RP1: variants seen among roughly 807,000 people sequenced by gnomAD.
RP1 encodes the protein RP1 axonemal microtubule associated.
In RP1, 16 loss-of-function variants were observed where a neutral mutation model predicts 14.8. The observed-to-expected ratio is 1.08, with a 90% confidence interval of 0.73 to 1.65. RP1 has a LOEUF of 1.65. Among genes scored for constraint, RP1 ranks in the 40% most tolerant of loss-of-function variants. The probability of loss-of-function intolerance (pLI) is 0.00; values close to 1 mark genes in which losing one functional copy is unlikely to be tolerated. For missense variants in RP1, 2,631 were observed against 2,535.0 expected (o/e 1.04, Z -0.81); for synonymous variants, 876 against 883.6 (o/e 0.99, Z 0.15).
chr8:54,627,047 A>G lies in RP1; in HGVS notation c.3165A>G (p.Glu1055=), dbSNP rs935024214. ...SGPEKKLVYQ[E]INLARKRQSV... ...CAGAGAAAAAACTTGTTTACCAGGA[A>G]ATAAACCTAGCTAGAAAAAGGCAAA... Residue 1055 remains glutamate, a synonymous_variant, in exon 4 of 4, where the codon GAA becomes GAG. Coordinates refer to ENST00000220676, the MANE Select transcript of RP1 (RefSeq NM_006269.2). The G allele has an allele frequency of 6.2e-7, 1 of 1,613,950 alleles. No individual in the cohort carries two copies. The highest frequency in any genetic ancestry group is 8.5e-7 in the Non-Finnish European group (1 of 1,179,976).
intron 1 of RP1, chr8:54,562,045 C>G (rs749844005): frequency 6.6e-6 from 1 of 152,132 alleles, no homozygotes; most frequent in Non-Finnish European, 1.5e-5. Flanking sequence ...AATTGACTGT[C>G]AAATGAATGG....
intron 1 of RP1, among the ~76,000 whole-genome samples, chr8:54,592,328 G>A (rs980177204): frequency 6.6e-6 from 1 of 152,132 alleles, no homozygotes; most frequent in Non-Finnish European, 1.5e-5. Context: ...TTTCTGGTTA[G>A]GGTGACAGCA....
At chr8:54,700,984 C>T (rs1299168062) in intron 13 of RP1, among the ~76,000 whole-genome samples, 1 of 152,214 alleles carries the variant, frequency 6.6e-6, no homozygotes, top group Non-Finnish European at 1.5e-5. Context: ...TTTTCCTCTT[C>T]ACACCCTACT....
intron 1 of RP1, among the ~76,000 whole-genome samples, chr8:54,580,802 A>G (rs1190663949): frequency 1.3e-5 from 2 of 151,788 alleles, no homozygotes; most frequent in African/African-American, 4.8e-5. Flanking sequence ...TATTTTTAGT[A>G]GAGACGGGGT....
chr8:54,676,568 A>C (rs982251700), intron 8 of RP1, among the ~76,000 whole-genome samples: 1 of 152,202 alleles, frequency 6.6e-6, no homozygotes, highest in African/African-American at 2.4e-5. Context: ...ACCAACATAC[A>C]TATGTAAACA....
At chr8:54,820,715 A>G (rs1436833100) in intron 24 of RP1, among the ~76,000 whole-genome samples, 2 of 152,112 alleles carry the variant, frequency 1.3e-5, no homozygotes, top group Non-Finnish European at 2.9e-5. Context: ...TTTCCCTGAT[A>G]TGATCTTAAA....
chr8:54,584,675 C>A (rs995768116), intron 1 of RP1, among the ~76,000 whole-genome samples: 1 of 152,164 alleles, frequency 6.6e-6, no homozygotes, highest in Non-Finnish European at 1.5e-5. Flanking sequence ...CTTTATGAAT[C>A]TGGGTGCTCC....
At chr8:54,673,980 A>G (rs764510061) in intron 8 of RP1, 10 of 1,360,606 alleles carry the variant, frequency 7.3e-6, no homozygotes, top group Non-Finnish European at 1.0e-5. Context: ...TTCTGTTTAT[A>G]TGAAACTCTG....
chr8:54,563,631 G>A (rs112985124), intron 1 of RP1, among the ~76,000 whole-genome samples: 3,851 of 152,070 alleles, frequency 0.025, 162 homozygotes, highest in African/African-American at 0.086. Flanking sequence ...CTACAGCCTT[G>A]AATTCCTCGG....
chr8:54,747,284 C>T (rs1352192431), intron 19 of RP1, among the ~76,000 whole-genome samples: 1 of 152,190 alleles, frequency 6.6e-6, no homozygotes, highest in East Asian at 1.9e-4. Flanking sequence ...TCTTTCTCGT[C>T]CCCTTCTCAT....
intron 12 of RP1, among the ~76,000 whole-genome samples, chr8:54,684,742 T>TTTTTAAG (rs1807517937): frequency 6.6e-6 from 1 of 152,132 alleles, no homozygotes; most frequent in Non-Finnish European, 1.5e-5. Flanking sequence ...ACTTTTTTAT[T>TTTTTAAG]TTTTAAGTTT....
chr8:54,738,860 A>G (rs1334361795), intron 18 of RP1: 1 of 777,110 alleles, frequency 1.3e-6, no homozygotes, highest in Non-Finnish European at 1.9e-6. Context: ...CAAAAAATGC[A>G]GTTAGTGTAA....
At chr8:54,754,684 C>T in intron 19 of RP1, 2 of 1,024,668 alleles carry the variant, frequency 2.0e-6, no homozygotes, top group Non-Finnish European at 2.6e-6. Context: ...ACCATCACCG[C>T]TATCACCATC....
chr8:54,786,362 A>G (rs1810317262), intron 24 of RP1, among the ~76,000 whole-genome samples: 1 of 152,068 alleles, frequency 6.6e-6, no homozygotes, highest in South Asian at 2.1e-4. Context: ...TGTACATATG[A>G]TAAGTTGTTT....
intron 14 of RP1, among the ~76,000 whole-genome samples, chr8:54,702,049 T>A (rs1808034561): frequency 6.6e-6 from 1 of 152,178 alleles, no homozygotes; most frequent in Admixed American, 6.6e-5. Context: ...TTCTTTTTTC[T>A]TTATGTGTTT....
At position 54,627,832 on chromosome 8, in the gene RP1, A is replaced by G. The variant is rs768237139; in HGVS notation, c.3950A>G (p.Gln1317Arg). Residue 1317 changes from glutamine to arginine, a missense_variant, in exon 4 of 4, where the codon CAA (glutamine) becomes CGA (arginine). By Grantham distance (43) the Gln-to-Arg change is conservative (BLOSUM62 1). Coordinates refer to ENST00000220676, the MANE Select transcript of RP1 (RefSeq NM_006269.2). ...DTVFSDKACA[Q>R]KENHTYEGAC... ...GTGTTTTCTGATAAGGCTTGTGCTC[A>G]AAAGGAGAACCATACCTATGAGGGA... 6 of 1,614,186 alleles carry G rather than the reference A, an allele frequency of 3.7e-6. No homozygotes were observed. The East Asian group carries it at 1.3e-4, about 36-fold the overall frequency.
At chr8:54,822,825 G>C (rs1033219415) in intron 24 of RP1, among the ~76,000 whole-genome samples, 3 of 152,188 alleles carry the variant, frequency 2.0e-5, no homozygotes, top group Non-Finnish European at 2.9e-5. Flanking sequence ...ACCTAGAGGA[G>C]AGCTAACTAT....
intron 15 of RP1, among the ~76,000 whole-genome samples, chr8:54,718,165 A>G (rs567057419): frequency 8.5e-4 from 129 of 152,304 alleles, no homozygotes; most frequent in African/African-American, 3.0e-3. Context: ...CATAGATTCA[A>G]TACAATTCCA....
intron 12 of RP1, among the ~76,000 whole-genome samples, chr8:54,688,942 G>A (rs954215416): frequency 9.9e-5 from 15 of 152,156 alleles, no homozygotes; most frequent in Non-Finnish European, 1.9e-4. Flanking sequence ...TCCTATCCAT[G>A]AGCATGGAAT....
Sources: allele counts gnomAD v4.1 joint callset (sites outside exome capture counted in the v4.1 genomes callset), GRCh38; gene constraint gnomAD v4.1.1; transcripts MANE v1.5; gene names NCBI Gene and HGNC (gene_info 2026-07-23, HGNC 2026-07-21).